Variants in PTPRT observed in about 807,000 individuals in gnomAD.
PTPRT encodes receptor-type tyrosine-protein phosphatase T.
PTPRT carries 56 observed loss-of-function variants against 176.8 expected under a neutral mutation model. The observed-to-expected ratio is 0.32, with a 90% confidence interval of 0.26 to 0.40. The LOEUF is 0.40. PTPRT is among the 10% of genes least tolerant of loss of function. PTPRT has a pLI of 1.00. For synonymous variants in PTPRT, 783 were observed against 739.0 expected, an observed-to-expected ratio of 1.06 and a Z score of -0.96; for missense variants, 1,540 against 1,908.2, an observed-to-expected ratio of 0.81 and a Z score of 3.60.
At chr20:42,983,952 G>C (rs1983419454) in intron 1 of PTPRT, among the ~76,000 whole-genome samples, 1 of 152,130 alleles carries the variant, frequency 6.6e-6, no homozygotes, top group Non-Finnish European at 1.5e-5. Flanking sequence ...ACTCCACTTT[G>C]GTCTCAGCTC....
At chr20:42,397,605 G>A (rs2058864056) in intron 9 of PTPRT, among the ~76,000 whole-genome samples, 1 of 152,162 alleles carries the variant, frequency 6.6e-6, no homozygotes, top group South Asian at 2.1e-4. Flanking sequence ...TCCATGTTGT[G>A]ACAAAGCACA....
chr20:42,123,784 T>C (rs1987709619), intron 19 of PTPRT, among the ~76,000 whole-genome samples: 1 of 152,196 alleles, frequency 6.6e-6, no homozygotes, highest in African/African-American at 2.4e-5. Context: ...TTCTGCTCAG[T>C]TGTCAATCAC....
At chr20:42,655,675 A>G (rs1262129322) in intron 7 of PTPRT, among the ~76,000 whole-genome samples, 1 of 152,186 alleles carries the variant, frequency 6.6e-6, no homozygotes, top group Non-Finnish European at 1.5e-5. Flanking sequence ...GCACAGTAGT[A>G]TGGCTGATTG....
intron 7 of PTPRT, among the ~76,000 whole-genome samples, chr20:42,641,098 T>C (rs947082561): frequency 6.6e-5 from 10 of 152,052 alleles, no homozygotes; most frequent in African/African-American, 2.4e-4. Context: ...GGAATTTAGG[T>C]TGCTTCCAAT....
chr20:42,845,458 T>A (rs2078353414), intron 2 of PTPRT, among the ~76,000 whole-genome samples: 1 of 152,204 alleles, frequency 6.6e-6, no homozygotes, highest in Non-Finnish European at 1.5e-5. Flanking sequence ...TGTGTTTCTG[T>A]GTGTGCACAT....
chr20:42,098,659 A>G (rs1985541768), intron 26 of PTPRT, 107 bp from the exon 27 acceptor site: 2 of 1,434,428 alleles, frequency 1.4e-6, no homozygotes, highest in Admixed American at 4.4e-5. Context: ...TGCCAAATAG[A>G]TTATACAAAA....
At chr20:43,096,231 T>G (rs1014177425) in intron 1 of PTPRT, among the ~76,000 whole-genome samples, 2 of 151,824 alleles carry the variant, frequency 1.3e-5, no homozygotes, top group Non-Finnish European at 2.9e-5. Context: ...CTCTCCCTCC[T>G]CTTTTCCTCT....
At chr20:42,253,800 G>A (rs1004074144) in intron 13 of PTPRT, among the ~76,000 whole-genome samples, 3 of 152,118 alleles carry the variant, frequency 2.0e-5, no homozygotes, top group African/African-American at 4.8e-5. Flanking sequence ...CTGACCTGAC[G>A]GCACAGCCAA....
At chr20:42,237,550 GT>G (rs1465881406) in intron 14 of PTPRT, among the ~76,000 whole-genome samples, 1 of 152,138 alleles carries the variant, frequency 6.6e-6, no homozygotes, top group African/African-American at 2.4e-5. Flanking sequence ...ATATATTGAA[GT>G]TTTATCTATT....
intron 1 of PTPRT, among the ~76,000 whole-genome samples, chr20:43,183,257 C>A (rs903708438): frequency 2.6e-5 from 4 of 152,184 alleles, no homozygotes; most frequent in Non-Finnish European, 5.9e-5. Context: ...ATACAACAAA[C>A]TATTTTGGAA....
intron 13 of PTPRT, among the ~76,000 whole-genome samples, chr20:42,252,319 T>C (rs749184711): frequency 6.6e-6 from 1 of 152,116 alleles, no homozygotes; most frequent in African/African-American, 2.4e-5. Context: ...AAATTAAAGG[T>C]CAGAGTTGGA....
At position 42,204,471 on chromosome 20, in the gene PTPRT, G is replaced by T. The variant is rs1315641596; in HGVS notation, c.2343-5083C>A. 2.6e-5 allele frequency among the ~76,000 whole-genome samples: 4 copies of T among 152,166 alleles called. No homozygotes were observed. In the South Asian group the frequency reaches 8.3e-4, roughly 32 times the overall value. Reference sequence around the variant, plus strand: ...GGTCACACAATTTCGCCAGCAGGGGGTACCAAAAGCTGATAAAAAGAGAGT... The same window carrying T: ...GGTCACACAATTTCGCCAGCAGGGGTTACCAAAAGCTGATAAAAAGAGAGT... On this transcript the variant is annotated intron_variant, in intron 15 of 30. Coordinates refer to ENST00000373187, the MANE Select transcript of PTPRT (RefSeq NM_007050.6).
chr20:42,354,920 G>A (rs1600880500), intron 9 of PTPRT, among the ~76,000 whole-genome samples: 1 of 152,204 alleles, frequency 6.6e-6, no homozygotes, highest in South Asian at 2.1e-4. Context: ...GCAGGGAGCT[G>A]AGGGCTTTGG....
intron 11 of PTPRT, among the ~76,000 whole-genome samples, chr20:42,346,563 T>C (rs1007870893): frequency 3.3e-5 from 5 of 151,966 alleles, no homozygotes; most frequent in African/African-American, 1.2e-4. Flanking sequence ...GTTAGAAAAA[T>C]AGGCCAAGCT....
chr20:42,634,921 A>G (rs1464825892), intron 7 of PTPRT, among the ~76,000 whole-genome samples: 2 of 152,104 alleles, frequency 1.3e-5, no homozygotes, highest in Non-Finnish European at 2.9e-5. Flanking sequence ...TTTTATTTCC[A>G]GTTCCAAAGC....
intron 1 of PTPRT, among the ~76,000 whole-genome samples, chr20:42,950,408 C>T (rs923998531): frequency 1.3e-5 from 2 of 152,122 alleles, no homozygotes; most frequent in African/African-American, 4.8e-5. Context: ...CCATCCCAGC[C>T]ATCTCATCTC....
rs552934956 is a variant in PTPRT, at chr20:42,752,824, C to T, written c.859+3638G>A. 2.6e-5 allele frequency among the ~76,000 whole-genome samples: 4 copies of T among 152,260 alleles called. No homozygotes were observed. The South Asian group carries it at 8.3e-4, about 32-fold the overall frequency. ...GTCATTCTTCATCACACAGTTTCTT[C>T]CAAACGCTTGGGTTTGCTGCCTTCA... is the stretch of plus-strand genomic sequence containing the variant. On this transcript the variant is annotated intron_variant, in intron 6 of 30. Coordinates refer to ENST00000373187, the MANE Select transcript of PTPRT (RefSeq NM_007050.6).
chr20:42,862,198 G>A, intron 2 of PTPRT, among the ~76,000 whole-genome samples: 1 of 152,076 alleles, frequency 6.6e-6, no homozygotes, highest in East Asian at 1.9e-4. Context: ...TCAAGTGCTG[G>A]AGGCCACTGT....
chr20:43,026,385 G>C (rs1438777514), intron 1 of PTPRT, among the ~76,000 whole-genome samples: 2 of 152,050 alleles, frequency 1.3e-5, no homozygotes, highest in Middle Eastern at 3.2e-3. Flanking sequence ...CAAAGTGCTG[G>C]GATTACAAGT....
Sources: gnomAD v4.1 joint callset for allele counts (sites outside exome capture counted in the v4.1 genomes callset) on GRCh38, gnomAD v4.1.1 for gene constraint, MANE v1.5 for transcripts, NCBI Gene and HGNC (gene_info 2026-07-23, HGNC 2026-07-21) for gene names.